The following PCDHA2 variants were observed in gnomAD, a reference collection of about 807,000 sequenced individuals.
The protein encoded by PCDHA2 is protocadherin alpha 2.
PCDHA2 carries 58 observed loss-of-function variants against 66.0 expected under a neutral mutation model. The ratio of observed to expected loss-of-function variants is 0.88; its 90% confidence interval spans 0.71 to 1.09. The LOEUF is 1.09. PCDHA2 is among the 50% of genes least tolerant of loss of function. PCDHA2 has a pLI of 0.00. For missense variants in PCDHA2, 1,267 were observed against 1,242.3 expected (o/e 1.02, Z -0.30); for synonymous variants, 634 against 554.0 (o/e 1.14, Z -2.03).
intron 1 of PCDHA2, among the ~76,000 whole-genome samples, chr5:140,826,017 A>G (rs1296923952): frequency 2.6e-5 from 4 of 152,190 alleles, no homozygotes; most frequent in Non-Finnish European, 4.4e-5. Flanking sequence ...TTTACATGAT[A>G]AAATGTGAAT....
intron 1 of PCDHA2, chr5:140,834,842 A>C: frequency 6.2e-7 from 1 of 1,611,330 alleles, no homozygotes; most frequent in Non-Finnish European, 8.5e-7. Flanking sequence ...CTCGGTTTCC[A>C]CTAGAGGGCG....
chr5:140,850,244 G>GTCGGT, intron 1 of PCDHA2: 1 of 1,593,676 alleles, frequency 6.3e-7, no homozygotes, highest in South Asian at 1.1e-5. Context: ...TGGTGCTGCG[G>GTCGGT]TCGGTGGGCG....
Position 141,010,339 on chromosome 5 carries a change from A to G in PCDHA2, c.*402A>G. 2 of 1,534,058 alleles carry G rather than the reference A, an allele frequency of 1.3e-6. No homozygotes were observed. Among genetic ancestry groups the G allele is most frequent in the East Asian group, 4.9e-5 (2 of 40,762 alleles). On this transcript the variant is annotated 3_prime_UTR_variant, in exon 4 of 4. Transcript: ENST00000526136. ...TTGAGCAGCTTGGGAGTTTGTGGCC[A>G]CTGGGTATGTGTGGCTACCGCGGGT...
chr5:140,984,325 G>C (rs2097097043), intron 3 of PCDHA2, among the ~76,000 whole-genome samples: 1 of 152,168 alleles, frequency 6.6e-6, no homozygotes, highest in Admixed American at 6.5e-5. Flanking sequence ...CTAGGCAAAT[G>C]TGGAATAGGA....
chr5:140,877,727 A>C, intron 1 of PCDHA2: 1 of 1,614,136 alleles, frequency 6.2e-7, no homozygotes, highest in South Asian at 1.1e-5. Flanking sequence ...TCTTACTCGC[A>C]GCAGAGGAGG....
At chr5:140,882,105 A>G in intron 1 of PCDHA2, 1 of 1,349,526 alleles carries the variant, frequency 7.4e-7, no homozygotes, top group Admixed American at 2.5e-5. Flanking sequence ...GTTTCCGCGA[A>G]GAAAGCCGCC....
intron 3 of PCDHA2, 32 bp from the exon 4 acceptor site, chr5:141,009,595 C>A (rs781807814): frequency 6.2e-7 from 1 of 1,604,124 alleles, no homozygotes; most frequent in African/African-American, 1.3e-5. Context: ...TGTGTTGACC[C>A]TGTTAATGAT....
chr5:140,873,437 T>C (rs1554166716), intron 1 of PCDHA2, among the ~76,000 whole-genome samples: 1 of 152,200 alleles, frequency 6.6e-6, no homozygotes, highest in Non-Finnish European at 1.5e-5. Flanking sequence ...TTATATCACA[T>C]AAATAACAAA....
rs782163848 is a variant in PCDHA2, at chr5:140,795,005, G to T, written c.41G>T (p.Arg14Leu). 1.2e-6 allele frequency: 2 copies of T among 1,613,744 alleles called. No individual in the cohort carries two copies. Among genetic ancestry groups the T allele is most frequent in the Non-Finnish European group, 1.7e-6 (2 of 1,179,910 alleles). Residue 14 changes from arginine (R) to leucine (L), a missense_variant, in exon 1 of 4, where the codon CGG (arginine) becomes CTG (leucine). By Grantham distance (102) the Arg-to-Leu change is moderately radical. Coordinates refer to ENST00000526136, the MANE Select transcript of PCDHA2 (RefSeq NM_018905.3). Reference sequence around the variant, plus strand: ...AGAAGGGGCCGAGGGGCCTGGACACGGCTGCTCTCGCTTCTGCTCCTCGCA... The same window carrying T: ...AGAAGGGGCCGAGGGGCCTGGACACTGCTGCTCTCGCTTCTGCTCCTCGCA... ...SIRRGRGAWT[R>L]LLSLLLLAAW... is the part of the protein sequence containing the mutation.
intron 1 of PCDHA2, among the ~76,000 whole-genome samples, chr5:140,948,364 G>C (rs1554218529): frequency 6.6e-6 from 1 of 151,472 alleles, no homozygotes; most frequent in African/African-American, 2.4e-5. Flanking sequence ...AAATGACTTA[G>C]GAGGTGTTCC....
At chr5:140,815,756 G>A (rs2126666979) in intron 1 of PCDHA2, 2 of 152,190 alleles carry the variant, frequency 1.3e-5, no homozygotes, top group African/African-American at 4.8e-5. Context: ...AACATTTCTT[G>A]TAAGGCAAGT....
intron 1 of PCDHA2, chr5:140,871,327 C>A: frequency 6.2e-7 from 1 of 1,614,102 alleles, no homozygotes; most frequent in Non-Finnish European, 8.5e-7. Flanking sequence ...GGTGTGCTCC[C>A]GCGCGGTGGG....
intron 1 of PCDHA2, chr5:140,929,284 A>G: frequency 6.2e-7 from 1 of 1,600,764 alleles, no homozygotes; most frequent in Non-Finnish European, 8.5e-7. Flanking sequence ...CTGTATTCAG[A>G]TTCGGAATAG....
At chr5:140,897,900 A>G (rs1173970358) in intron 1 of PCDHA2, among the ~76,000 whole-genome samples, 5 of 152,140 alleles carry the variant, frequency 3.3e-5, no homozygotes, top group Non-Finnish European at 5.9e-5. Context: ...GTGAGATGGT[A>G]TCTCATTGTG....
In PCDHA2 at chr5:140,842,845, T is replaced by G. The variant is rs2150346151; in HGVS notation, c.2388+45493T>G. The G allele has an allele frequency of 0.012, 19,312 of 1,593,596 alleles. 3,039 individuals are homozygous for G. In the African/African-American group the frequency reaches 0.23, roughly 19 times the overall value. On this transcript the variant is annotated intron_variant, in intron 1 of 3. Transcript: ENST00000526136. Reference sequence around the variant, plus strand: ...GCGAGCGCTCGCTGTCGAGCTACATTTCGGTGCACACGGAGAGCGGCAAGG... The same window carrying G: ...GCGAGCGCTCGCTGTCGAGCTACATGTCGGTGCACACGGAGAGCGGCAAGG...
At chr5:140,886,921 C>T (rs778306326) in intron 1 of PCDHA2, among the ~76,000 whole-genome samples, 2 of 151,406 alleles carry the variant, frequency 1.3e-5, no homozygotes, top group African/African-American at 4.9e-5. Context: ...TGAGTGTTCT[C>T]TATGTGCCAG....
At chr5:140,884,115 T>C (rs782303871) in intron 1 of PCDHA2, 2 of 1,613,170 alleles carry the variant, frequency 1.2e-6, no homozygotes, top group African/African-American at 2.7e-5. Context: ...CTGGCGGCGG[T>C]CGGCGCGCGC....
chr5:140,825,482 GC>G (rs1768595274), intron 1 of PCDHA2: 1 of 149,484 alleles, frequency 6.7e-6, no homozygotes, highest in Non-Finnish European at 1.5e-5. Context: ...TGCTCTTGTT[GC>G]CCAAACGAGT....
chr5:140,842,835 C>T (rs146745311), intron 1 of PCDHA2: 10 of 1,593,736 alleles, frequency 6.3e-6, no homozygotes, highest in African/African-American at 1.3e-5. Flanking sequence ...CGCTCGCTGT[C>T]GAGCTACATT....
Sources: allele counts gnomAD v4.1 joint callset (sites outside exome capture counted in the v4.1 genomes callset), GRCh38; gene constraint gnomAD v4.1.1; transcripts MANE v1.5; gene names NCBI Gene and HGNC (gene_info 2026-07-23, HGNC 2026-07-21).